Variants in UNC13C observed in about 807,000 individuals in gnomAD.
UNC13C encodes unc-13 homolog C.
Under a neutral mutation model 245.4 loss-of-function variants are expected in UNC13C, and 174 were observed. The observed-to-expected ratio is 0.71, with a 90% CI of 0.63 to 0.80. UNC13C has a LOEUF of 0.80. Ranked by LOEUF, UNC13C falls within the 30% of genes least tolerant of loss-of-function variation. The probability of loss-of-function intolerance (pLI) is 0.00; values close to 1 mark genes in which losing one functional copy is unlikely to be tolerated. For missense variants in UNC13C, 2,829 were observed against 2,602.9 expected (o/e 1.09, Z -1.89); for synonymous variants, 992 against 895.1 (o/e 1.11, Z -1.93).
intron 8 of UNC13C, among the ~76,000 whole-genome samples, chr15:54,254,986 TC>T (rs959040883): frequency 6.6e-6 from 1 of 152,132 alleles, no homozygotes; most frequent in African/African-American, 2.4e-5. Context: ...TAGGAAAAGT[TC>T]CCATGTCCTC....
At chr15:54,178,347 G>A (rs532260878) in intron 4 of UNC13C, among the ~76,000 whole-genome samples, 28 of 152,078 alleles carry the variant, frequency 1.8e-4, no homozygotes, top group African/African-American at 6.7e-4. Flanking sequence ...GAGTTTCCAC[G>A]GTAATTCTTG....
intron 4 of UNC13C, among the ~76,000 whole-genome samples, chr15:54,221,851 A>T (rs1260911090): frequency 6.6e-6 from 1 of 152,250 alleles, no homozygotes; most frequent in East Asian, 1.9e-4. Flanking sequence ...CTAAATAACT[A>T]TCAACTGTCC....
At chr15:54,193,308 G>T (rs549549026) in intron 4 of UNC13C, among the ~76,000 whole-genome samples, 1 of 152,284 alleles carries the variant, frequency 6.6e-6, no homozygotes, top group African/African-American at 2.4e-5. Context: ...TATGCTTGGA[G>T]ACTTCCTGAA....
rs1372461599 is a variant in UNC13C, at chr15:54,015,843, T to C, written c.2940T>C (p.Tyr980=). The change falls in exon 2 of 33, where the codon TAT becomes TAC. Residue 980 remains tyrosine, a synonymous_variant. Coordinates refer to ENST00000260323, the MANE Select transcript of UNC13C (RefSeq NM_001080534.3). ...TCAAAGAAGCAGCTTTAAGGGCCTA[T>C]AAAAAGCAAATGGCAGAGTTGGAAG... The part of the protein sequence containing the change: ...PSFKEAALRA[Y]KKQMAELEEK... 6.2e-7 allele frequency: 1 copy of C among 1,604,846 alleles called. No individual in the cohort carries two copies. The highest frequency in any genetic ancestry group is 1.3e-5 in the African/African-American group (1 of 74,462).
chr15:53,895,538 A>T, the UNC13C span, among the ~76,000 whole-genome samples: 1 of 152,126 alleles, frequency 6.6e-6, no homozygotes, highest in African/African-American at 2.4e-5. Context: ...TGTTTTAATA[A>T]ACATAATTAA....
chr15:54,377,536 A>G (rs1178046769), intron 17 of UNC13C, among the ~76,000 whole-genome samples: 3 of 152,168 alleles, frequency 2.0e-5, no homozygotes, highest in Admixed American at 6.5e-5. Context: ...AGTACTTAAA[A>G]CTTGTCTTAA....
chr15:54,367,347 A>G (rs1354621143), intron 17 of UNC13C, among the ~76,000 whole-genome samples: 1 of 152,210 alleles, frequency 6.6e-6, no homozygotes, highest in Non-Finnish European at 1.5e-5. Context: ...CAATGTGAAT[A>G]CCATCTTTTC....
the UNC13C span, among the ~76,000 whole-genome samples, chr15:53,941,624 G>A: frequency 2.6e-5 from 4 of 152,058 alleles, no homozygotes; most frequent in East Asian, 7.7e-4. Flanking sequence ...TAAAAAGTAG[G>A]CAAAAGACTT....
chr15:53,995,769 G>T (rs1207253063), intron 1 of UNC13C, among the ~76,000 whole-genome samples: 1 of 152,106 alleles, frequency 6.6e-6, no homozygotes, highest in Non-Finnish European at 1.5e-5. Flanking sequence ...TGATAGGTTG[G>T]AGAAGATTAA....
At chr15:53,993,726 G>A (rs914389998) in intron 1 of UNC13C, among the ~76,000 whole-genome samples, 4 of 151,954 alleles carry the variant, frequency 2.6e-5, no homozygotes, top group Admixed American at 6.6e-5. Flanking sequence ...AATCTGCAAC[G>A]TTTTAGAAAA....
At position 54,265,488 on chromosome 15, in the gene UNC13C, G is replaced by T; in HGVS notation, c.3810G>T (p.Lys1270Asn). The change falls in exon 10 of 33, where the codon AAG becomes AAT. Residue 1270 changes from lysine to asparagine, a missense_variant. Physicochemically the swap from Lys to Asn is moderately conservative, Grantham distance 94 (BLOSUM62 0). Coordinates refer to ENST00000260323, the MANE Select transcript of UNC13C (RefSeq NM_001080534.3). ...ATTTGAATCCAGTATGGGATGAGAA[G>T]TTTTATTTGTGAGTATATAATGTGA... Reference protein sequence around the residue: ...FGNLNPVWDEKFYFECHNSTD... With the variant: ...FGNLNPVWDENFYFECHNSTD... The T allele has an allele frequency of 6.5e-7, 1 of 1,539,450 alleles. No homozygotes were observed. Among genetic ancestry groups the T allele is most frequent in the Non-Finnish European group, 8.8e-7 (1 of 1,139,350 alleles).
rs1033227689 is a variant in UNC13C, at chr15:54,281,046, C to A, written c.3819-12849C>A. ...CTCCTGACCTCAAGTGATCCGCCTG[C>A]CTCAGCCTCCCAAAGTGCTGGGATT... On this transcript the variant is annotated intron_variant, in intron 10 of 32. Transcript: ENST00000260323. 3.9e-5 allele frequency among the ~76,000 whole-genome samples: 6 copies of A among 152,044 alleles called. 1 individual carries two copies. The highest frequency in any genetic ancestry group is 1.3e-4 in the Admixed American group (2 of 15,256).
chr15:54,228,841 A>C (rs1224818139), intron 4 of UNC13C, among the ~76,000 whole-genome samples: 1 of 152,124 alleles, frequency 6.6e-6, no homozygotes, highest in Non-Finnish European at 1.5e-5. Flanking sequence ...GGGTGGTACA[A>C]AGTCTCCCTG....
chr15:54,565,922 G>C (rs1314245124), intron 29 of UNC13C, among the ~76,000 whole-genome samples: 1 of 151,818 alleles, frequency 6.6e-6, no homozygotes, highest in Non-Finnish European at 1.5e-5. Flanking sequence ...ATCAGTTTTG[G>C]TTTTCCTTCC....
At chr15:54,362,503 T>G (rs1405118399) in intron 17 of UNC13C, among the ~76,000 whole-genome samples, 1 of 152,174 alleles carries the variant, frequency 6.6e-6, no homozygotes, top group African/African-American at 2.4e-5. Context: ...CTAATTATAT[T>G]TTTGTGGGAG....
At chr15:54,080,068 T>C (rs932032791) in intron 2 of UNC13C, among the ~76,000 whole-genome samples, 7 of 149,508 alleles carry the variant, frequency 4.7e-5, no homozygotes, top group South Asian at 2.1e-4. Context: ...TTGGCATCGA[T>C]TGAGAGGATC....
chr15:54,178,487 TA>T (rs2033689471), intron 4 of UNC13C, among the ~76,000 whole-genome samples: 1 of 152,186 alleles, frequency 6.6e-6, no homozygotes, highest in Admixed American at 6.6e-5. Context: ...GAGTAACTCC[TA>T]GCATCTTAAG....
chr15:53,952,549 ACACCTTGGG>A, the UNC13C span, among the ~76,000 whole-genome samples: 1 of 152,228 alleles, frequency 6.6e-6, no homozygotes, highest in South Asian at 2.1e-4. Context: ...GTTATTTGAA[ACACCTTGGG>A]ACCTTTAAAA....
In UNC13C at chr15:54,012,663, A is replaced by C. The variant is rs11071015; in HGVS notation, c.-241A>C. ...TTCTTTTTAGACACTACATGGAGTT[A>C]TGTGGAAATGAGAGAGATTCATGAA... is the stretch of plus-strand genomic sequence containing the variant. On this transcript the variant is annotated 5_prime_UTR_variant, in exon 2 of 33. It removes an upstream start codon present in the reference 5' UTR. Coordinates refer to ENST00000260323, the MANE Select transcript of UNC13C (RefSeq NM_001080534.3). Among the ~76,000 whole-genome samples the C allele has an allele frequency of 6.6e-6, 1 of 152,096 alleles. No individual in the cohort carries two copies. Among genetic ancestry groups the C allele is most frequent in the Admixed American group, 6.6e-5 (1 of 15,260 alleles).
Sources: allele counts gnomAD v4.1 joint callset (sites outside exome capture counted in the v4.1 genomes callset), GRCh38; gene constraint gnomAD v4.1.1; transcripts MANE v1.5; gene names NCBI Gene and HGNC (gene_info 2026-07-23, HGNC 2026-07-21).